Variants in C16orf96 observed in about 807,000 individuals in gnomAD.
C16orf96 encodes uncharacterized protein C16orf96.
Under a neutral mutation model 103.6 loss-of-function variants are expected in C16orf96, and 108 were observed. That is an observed-to-expected ratio of 1.04 (90% CI 0.89 to 1.22). The LOEUF is 1.22. C16orf96 is among the 50% of genes most tolerant of loss of function. The pLI, the probability that C16orf96 is intolerant of heterozygous loss-of-function variation, is 0.00. For missense variants in C16orf96, 1,586 were observed against 1,464.2 expected (o/e 1.08, Z -1.36); for synonymous variants, 566 against 593.5 (o/e 0.95, Z 0.67).
In C16orf96 at chr16:4,576,551, G is replaced by T; in HGVS notation, c.2071G>T (p.Ala691Ser). Reference sequence around the variant, plus strand: ...TGTCAAGTATTCCATGAGCCACATAGCCCAGATACCTGTCAAACACGACTC... The same window carrying T: ...TGTCAAGTATTCCATGAGCCACATATCCCAGATACCTGTCAAACACGACTC... Reference protein sequence around the residue: ...RAVKYSMSHIAQIPVKHDSLK... With the variant: ...RAVKYSMSHISQIPVKHDSLK... The change falls in exon 5 of 16, where the codon GCC becomes TCC. Residue 691 changes from alanine (A) to serine (S), a missense_variant. Transcript: ENST00000444310. 6.4e-7 allele frequency: 1 copy of T among 1,551,542 alleles called. No homozygotes were observed. The highest frequency in any genetic ancestry group is 2.4e-5 in the East Asian group (1 of 40,926).
chr16:4,574,955 C>T lies in C16orf96; in HGVS notation c.607-17C>T, dbSNP rs567810633. 4.5e-6 allele frequency: 7 copies of T among 1,550,500 alleles called. No individual in the cohort carries two copies. In the South Asian group the frequency reaches 7.1e-5, roughly 16 times the overall value. ...CCTCCAGGCTCACAGCCCTCATTTT[C>T]TACCCCCACCTTGCAGGCTTCTCTC... On this transcript the variant is annotated splice_polypyrimidine_tract_variant and intron_variant, in intron 3 of 15. Transcript: ENST00000444310.
At chr16:4,590,071 A>T (rs753958564) in intron 9 of C16orf96, among the ~76,000 whole-genome samples, 1 of 151,990 alleles carries the variant, frequency 6.6e-6, no homozygotes, top group Non-Finnish European at 1.5e-5. Context: ...GCTTGTAGTA[A>T]GCCGAGATAG....
chr16:4,593,760 G>C lies in C16orf96; in HGVS notation c.2867+444G>C, dbSNP rs1249838175. Among the ~76,000 whole-genome samples, 1 of 152,074 alleles carries C rather than the reference G, an allele frequency of 6.6e-6. No homozygotes were observed. The highest frequency in any genetic ancestry group is 1.5e-5 in the Non-Finnish European group (1 of 68,012). On this transcript the variant is annotated intron_variant, in intron 12 of 15. Transcript: ENST00000444310. The surrounding 1 kb of genome is among the most constrained non-coding windows in gnomAD (Gnocchi z 4.2). Reference sequence around the variant, plus strand: ...ACAGCTGCCCTCTAAGATGTATCCTGGTACCATCCCATGTCACAGTTGAAG... The same window carrying C: ...ACAGCTGCCCTCTAAGATGTATCCTCGTACCATCCCATGTCACAGTTGAAG...
At chr16:4,541,133 C>T in the C16orf96 span, among the ~76,000 whole-genome samples, 1 of 151,560 alleles carries the variant, frequency 6.6e-6, no homozygotes, top group African/African-American at 2.4e-5. Context: ...AGGCTGGTGT[C>T]GATCTCCTCA....
chr16:4,573,878 G>A (rs1348661083), intron 2 of C16orf96, among the ~76,000 whole-genome samples: 1 of 152,060 alleles, frequency 6.6e-6, no homozygotes. Context: ...CTGTCACCCA[G>A]GCTGGAGTGC....
In C16orf96 at chr16:4,574,705, A is replaced by G. The variant is rs1265811983; in HGVS notation, c.526-4A>G. The G allele has an allele frequency of 6.4e-7, 1 of 1,551,400 alleles. No individual in the cohort carries two copies. The highest frequency in any genetic ancestry group is 1.2e-5 in the South Asian group (1 of 84,058). The stretch of plus-strand genomic sequence containing the variant: ...CCAGTCCACAGACTCAGTTCCTTTG[A>G]CAGGTACACCCAGAAAGAATGGACA... On this transcript the variant is annotated splice_polypyrimidine_tract_variant and splice_region_variant and intron_variant, in intron 2 of 15. Coordinates refer to ENST00000444310, the MANE Select transcript of C16orf96 (RefSeq NM_001145011.2).
chr16:4,541,974 T>A, the C16orf96 span, among the ~76,000 whole-genome samples: 19 of 152,240 alleles, frequency 1.2e-4, no homozygotes, highest in African/African-American at 4.6e-4. Context: ...TGGCCACTTA[T>A]ATGATTCGAT....
At chr16:4,553,019 C>T (rs2059237344), upstream of C16orf96, among the ~76,000 whole-genome samples, 1 of 152,132 alleles carries the variant, frequency 6.6e-6, no homozygotes. Flanking sequence ...TGTTCTGATA[C>T]TAGAAAGACA....
chr16:4,594,554 G>T, intron 13 of C16orf96, 44 bp downstream of exon 13: 1 of 1,544,442 alleles, frequency 6.5e-7, no homozygotes, highest in Non-Finnish European at 8.8e-7. Context: ...GGACGTCAGC[G>T]CACCCCAGCC....
chr16:4,548,745 T>C, the C16orf96 span, among the ~76,000 whole-genome samples: 1 of 151,992 alleles, frequency 6.6e-6, no homozygotes, highest in Admixed American at 6.6e-5. Context: ...TGGTGGTGCA[T>C]GCCTATAATC....
At chr16:4,553,855 G>A (rs1384713496), upstream of C16orf96, among the ~76,000 whole-genome samples, 1 of 152,142 alleles carries the variant, frequency 6.6e-6, no homozygotes, top group African/African-American at 2.4e-5. Context: ...TCCCCATTTA[G>A]CAGAGAGGGA....
Position 4,589,104 on chromosome 16 carries a change from C to A in C16orf96, c.2592+773C>A, listed in dbSNP as rs569061536. ...ACAGTCCCTCAGAGACTCTCCTCCT[C>A]CACCCCACATCCCTGCACTTACGCA... On this transcript the variant is annotated intron_variant, in intron 9 of 15. Transcript: ENST00000444310. 1.5e-4 allele frequency among the ~76,000 whole-genome samples: 23 copies of A among 152,286 alleles called. No homozygotes were observed. In the South Asian group the frequency reaches 2.3e-3, roughly 15 times the overall value.
the C16orf96 span, among the ~76,000 whole-genome samples, chr16:4,539,295 AAGAT>A: frequency 9.2e-5 from 14 of 152,218 alleles, no homozygotes; most frequent in Non-Finnish European, 1.8e-4. Flanking sequence ...TATTGAAACA[AAGAT>A]AGTTAACAGC....
intron 10 of C16orf96, 31 bp downstream of exon 10, chr16:4,591,815 G>C: frequency 1.5e-6 from 2 of 1,351,012 alleles, no homozygotes; most frequent in Non-Finnish European, 2.0e-6. Context: ...CTCCTGGTAG[G>C]GGTCCTGCTG....
At chr16:4,584,578 A>G (rs1420261551) in intron 7 of C16orf96, among the ~76,000 whole-genome samples, 1 of 151,802 alleles carries the variant, frequency 6.6e-6, no homozygotes, top group African/African-American at 2.4e-5. Context: ...TCTGTTGCCC[A>G]GGCTGGAGTG....
chr16:4,596,369 C>T (rs1048547860), intron 14 of C16orf96, among the ~76,000 whole-genome samples: 10 of 151,826 alleles, frequency 6.6e-5, no homozygotes, highest in African/African-American at 2.2e-4. Flanking sequence ...CCGTTAATCC[C>T]AGCTACTCAG....
chr16:4,575,778 T>C lies in C16orf96; in HGVS notation c.1298T>C (p.Leu433Ser), dbSNP rs943711043. 7.7e-6 allele frequency: 12 copies of C among 1,550,204 alleles called. No homozygotes were observed. In the African/African-American group the frequency reaches 1.1e-4, roughly 14 times the overall value. The change falls in exon 5 of 16, where the codon TTG becomes TCG. Residue 433 changes from leucine to serine, a missense_variant. Coordinates refer to ENST00000444310, the MANE Select transcript of C16orf96 (RefSeq NM_001145011.2). ...CCACCAGCCACTGAGTTTGGCTCAT[T>C]GTGGCCTCGACCACTCCAGCCATAT... ...APPPATEFGS[L>S]WPRPLQPYQS...
At chr16:4,596,726 A>AAAC (rs1897181740) in intron 14 of C16orf96, among the ~76,000 whole-genome samples, 1 of 152,064 alleles carries the variant, frequency 6.6e-6, no homozygotes, top group Non-Finnish European at 1.5e-5. Context: ...GAACAAAACC[A>AAAC]AACAACAACA....
chr16:4,590,106 A>T (rs1435437387), intron 9 of C16orf96, among the ~76,000 whole-genome samples: 1 of 151,498 alleles, frequency 6.6e-6, no homozygotes, highest in Non-Finnish European at 1.5e-5. Flanking sequence ...AGCCTGGGCG[A>T]CAGAGCAAGA....
Sources: gnomAD v4.1 joint callset for allele counts (sites outside exome capture counted in the v4.1 genomes callset) on GRCh38, gnomAD v4.1.1 for gene constraint, Gnocchi (gnomAD v3.1) non-coding constraint, MANE v1.5 for transcripts, NCBI Gene and HGNC (gene_info 2026-07-23, HGNC 2026-07-21) for gene names.